The following CHODL variants were observed in gnomAD, a reference collection of about 807,000 sequenced individuals.
CHODL encodes the protein transmembrane protein MT75.
Under a neutral mutation model 34.5 loss-of-function variants are expected in CHODL, and 29 were observed. The observed-to-expected ratio is 0.84, with a 90% CI of 0.63 to 1.15. CHODL has a LOEUF of 1.15. Ranked by LOEUF, CHODL falls within the 50% of genes most tolerant of loss-of-function variation. CHODL has a pLI of 0.00. For synonymous variants in CHODL, 125 were observed against 116.1 expected (o/e 1.08, Z -0.49); for missense variants, 332 against 332.5 (o/e 1.00, Z 0.01).
chr21:18,028,690 A>C (rs958761764), intron 2 of CHODL, among the ~76,000 whole-genome samples: 34 of 141,942 alleles, frequency 2.4e-4, no homozygotes, highest in African/African-American at 7.8e-4. Flanking sequence ...CAAGAGCAAA[A>C]CTCCATCTAA....
chr21:18,239,362 C>G (rs1051947098), intron 2 of CHODL, among the ~76,000 whole-genome samples: 5 of 151,976 alleles, frequency 3.3e-5, no homozygotes, highest in African/African-American at 1.2e-4. Context: ...CGCTTAGAAA[C>G]GATGTATGAA....
intron 2 of CHODL, among the ~76,000 whole-genome samples, chr21:18,215,037 T>C (rs1226899519): frequency 1.3e-5 from 2 of 152,046 alleles, no homozygotes; most frequent in African/African-American, 4.8e-5. Flanking sequence ...GTAATAAATC[T>C]AAGAAAAATT....
At chr21:18,060,560 A>G (rs1259236672) in intron 2 of CHODL, among the ~76,000 whole-genome samples, 1 of 151,982 alleles carries the variant, frequency 6.6e-6, no homozygotes, top group Non-Finnish European at 1.5e-5. Context: ...CCATCAGGGC[A>G]GTCCACAGAC....
intron 1 of CHODL, among the ~76,000 whole-genome samples, chr21:17,973,556 A>G (rs1363483234): frequency 1.3e-5 from 2 of 151,084 alleles, no homozygotes; most frequent in South Asian, 2.1e-4. Context: ...AGCTGGGACT[A>G]CAGGCGCCCA....
chr21:18,128,296 CAAAAAAAAAAAAAAAAAAAAAAAAAAAA>C (rs71189585), intron 2 of CHODL, among the ~76,000 whole-genome samples: 20 of 28,058 alleles, frequency 7.1e-4, no homozygotes, highest in Admixed American at 1.5e-3. Flanking sequence ...GCAAGAGTCT[CAAAAAAAAAAAAAAAAAAAAAAAAAAAA>C]AAAAAAAAAA....
At chr21:17,924,143 A>C (rs1283722970) in intron 1 of CHODL, among the ~76,000 whole-genome samples, 2 of 152,220 alleles carry the variant, frequency 1.3e-5, no homozygotes, top group African/African-American at 4.8e-5. Context: ...ACAAAGTGCT[A>C]AACAGGGAGC....
At chr21:18,087,707 A>C (rs2065024503) in intron 2 of CHODL, among the ~76,000 whole-genome samples, 1 of 152,120 alleles carries the variant, frequency 6.6e-6, no homozygotes, top group Admixed American at 6.6e-5. Context: ...TGTGGGAAGA[A>C]GTTTTGTGGA....
chr21:18,201,064 C>T (rs1324570794), intron 2 of CHODL, among the ~76,000 whole-genome samples: 1 of 152,078 alleles, frequency 6.6e-6, no homozygotes, highest in Non-Finnish European at 1.5e-5. Context: ...CAGTTTGTGG[C>T]AATATGTTAT....
At chr21:18,016,874 G>A (rs1056782165) in intron 1 of CHODL, among the ~76,000 whole-genome samples, 4 of 152,246 alleles carry the variant, frequency 2.6e-5, no homozygotes, top group Non-Finnish European at 5.9e-5. Context: ...GGAGGTCAAA[G>A]GAGATTATTT....
At chr21:18,020,359 T>C (rs570174972) in intron 1 of CHODL, among the ~76,000 whole-genome samples, 18 of 152,312 alleles carry the variant, frequency 1.2e-4, no homozygotes, top group African/African-American at 4.3e-4. Context: ...GTAAAATGAC[T>C]GAAAGCTGCA....
chr21:17,997,229 C>A (rs1312282851), intron 1 of CHODL, among the ~76,000 whole-genome samples: 1 of 152,136 alleles, frequency 6.6e-6, no homozygotes, highest in African/African-American at 2.4e-5. Flanking sequence ...GTGGAATAAT[C>A]AAAACTTTAA....
intron 2 of CHODL, among the ~76,000 whole-genome samples, chr21:18,081,882 T>C (rs1420236175): frequency 6.6e-6 from 1 of 152,194 alleles, no homozygotes; most frequent in East Asian, 1.9e-4. Context: ...GAATTTTATT[T>C]ACTACTTTTT....
intron 2 of CHODL, among the ~76,000 whole-genome samples, chr21:18,178,095 C>T (rs1369788434): frequency 2.6e-5 from 4 of 152,030 alleles, no homozygotes; most frequent in African/African-American, 4.8e-5. Context: ...TTAGAGGTCT[C>T]CTAGTTGATT....
At chr21:18,022,003 A>C (rs554604287) in intron 1 of CHODL, among the ~76,000 whole-genome samples, 78 of 152,254 alleles carry the variant, frequency 5.1e-4, no homozygotes, top group Middle Eastern at 3.4e-3. Flanking sequence ...ATGAGGGTGA[A>C]GCCCCCGCCA....
intron 2 of CHODL, among the ~76,000 whole-genome samples, chr21:18,143,751 A>G (rs1476432723): frequency 1.3e-5 from 2 of 152,086 alleles, no homozygotes; most frequent in Non-Finnish European, 2.9e-5. Context: ...TTATAACTCA[A>G]TGTGCATTTA....
chr21:18,047,831 T>C (rs572383486), intron 2 of CHODL, among the ~76,000 whole-genome samples: 2 of 152,092 alleles, frequency 1.3e-5, no homozygotes, highest in East Asian at 3.9e-4. Flanking sequence ...TAAAGCACTT[T>C]GGCAGATATT....
At chr21:18,152,202 C>T (rs1445813304) in intron 2 of CHODL, among the ~76,000 whole-genome samples, 2 of 152,124 alleles carry the variant, frequency 1.3e-5, no homozygotes, top group Admixed American at 1.3e-4. Flanking sequence ...AGTCTGAACA[C>T]CACAATTCAC....
At chr21:18,083,791 C>T (rs1486554838) in intron 2 of CHODL, among the ~76,000 whole-genome samples, 4 of 152,296 alleles carry the variant, frequency 2.6e-5, no homozygotes, top group South Asian at 2.1e-4. Flanking sequence ...CCTGTATTCC[C>T]ATTGTATCAT....
intron 2 of CHODL, among the ~76,000 whole-genome samples, chr21:18,116,050 T>C (rs1417281202): frequency 1.3e-5 from 2 of 152,170 alleles, no homozygotes; most frequent in Admixed American, 6.5e-5. Context: ...GAATATTTTG[T>C]TTTTTCATCT....
Sources: gnomAD v4.1 joint callset for allele counts (sites outside exome capture counted in the v4.1 genomes callset) on GRCh38, gnomAD v4.1.1 for gene constraint, MANE v1.5 for transcripts, NCBI Gene and HGNC (gene_info 2026-07-23, HGNC 2026-07-21) for gene names.